Variants in CNTN1 observed in about 807,000 individuals in gnomAD.
The protein encoded by CNTN1 is contactin 1.
Under a neutral mutation model 126.4 loss-of-function variants are expected in CNTN1, and 38 were observed. That is an observed-to-expected ratio of 0.30 (90% CI 0.23 to 0.39). CNTN1 has a LOEUF of 0.39. Among genes scored for constraint, CNTN1 ranks in the 10% least tolerant of loss-of-function variants. The pLI is 1.00. For synonymous variants in CNTN1, 413 were observed against 422.6 expected (o/e 0.98, Z 0.28); for missense variants, 1,009 against 1,248.4 (o/e 0.81, Z 2.89).
At chr12:40,890,812 T>C (rs1467880596) in intron 1 of CNTN1, among the ~76,000 whole-genome samples, 1 of 152,202 alleles carries the variant, frequency 6.6e-6, no homozygotes, top group Non-Finnish European at 1.5e-5. Context: ...AACATCCTTG[T>C]GCCAGTTTTT....
chr12:40,710,898 ACT>A (rs1277059092), intron 1 of CNTN1, among the ~76,000 whole-genome samples: 1 of 152,174 alleles, frequency 6.6e-6, no homozygotes, highest in Non-Finnish European at 1.5e-5. Flanking sequence ...TCATAGTGTA[ACT>A]CACACATAAG....
intron 1 of CNTN1, among the ~76,000 whole-genome samples, chr12:40,856,645 A>G (rs1417205593): frequency 6.6e-6 from 1 of 152,140 alleles, no homozygotes; most frequent in East Asian, 1.9e-4. Context: ...ATAAATTTCA[A>G]TTTCTCTGGG....
chr12:40,724,656 C>T (rs775962853), intron 1 of CNTN1, among the ~76,000 whole-genome samples: 5 of 152,142 alleles, frequency 3.3e-5, no homozygotes, highest in Non-Finnish European at 7.4e-5. Context: ...AACAGAAGAA[C>T]ACTTACTTTG....
At chr12:41,021,535 A>G (rs187154187) in intron 20 of CNTN1, among the ~76,000 whole-genome samples, 1 of 152,316 alleles carries the variant, frequency 6.6e-6, no homozygotes, top group Admixed American at 6.5e-5. Flanking sequence ...GTATGATTAA[A>G]TAAAATGTTA....
rs748855906 is a variant in CNTN1 at position 41,070,259 on chromosome 12, G to C, written c.*224G>C. The C allele has an allele frequency of 8.7e-6, 5 of 573,058 alleles. No individual in the cohort carries two copies. The highest frequency in any genetic ancestry group is 1.6e-5 in the Non-Finnish European group (5 of 320,268). The allele number at this position is 573,058 out of a possible 1,614,324, so 35.5% of individuals were successfully genotyped here. ...AATGGATATAAATGATTTTTAACTCGTTCCAATATGCCTTATAAACCACTT... is the reference window on the plus strand; with the variant it reads ...AATGGATATAAATGATTTTTAACTCCTTCCAATATGCCTTATAAACCACTT... On this transcript the variant is annotated 3_prime_UTR_variant, in exon 24 of 24. Coordinates refer to ENST00000551295, the MANE Select transcript of CNTN1 (RefSeq NM_001843.4).
intron 14 of CNTN1, among the ~76,000 whole-genome samples, chr12:40,957,213 A>G (rs534712390): frequency 5.3e-5 from 8 of 152,028 alleles, no homozygotes; most frequent in South Asian, 2.1e-4. Context: ...CCAAGTAAAA[A>G]TCAAACAATC....
At chr12:40,719,321 G>A (rs1390749939) in intron 1 of CNTN1, among the ~76,000 whole-genome samples, 1 of 152,162 alleles carries the variant, frequency 6.6e-6, no homozygotes, top group African/African-American at 2.4e-5. Context: ...GAGGATAATT[G>A]TATTTTCGGA....
chr12:40,987,158 A>G (rs1394211301), intron 16 of CNTN1, among the ~76,000 whole-genome samples: 1 of 152,204 alleles, frequency 6.6e-6, no homozygotes, highest in Non-Finnish European at 1.5e-5. Flanking sequence ...ATACAGAAAT[A>G]AAAATCATAT....
intron 22 of CNTN1, 64 bp downstream of exon 22, chr12:41,028,033 G>T: frequency 8.3e-7 from 1 of 1,200,240 alleles, no homozygotes; most frequent in Non-Finnish European, 1.2e-6. Flanking sequence ...CCCAAGATGG[G>T]TTTCTTTTCT....
In CNTN1 at chr12:40,707,070, A is replaced by G. The variant is rs1260677267; in HGVS notation, c.-77+14478A>G. 3.7e-3 allele frequency among the ~76,000 whole-genome samples: 552 copies of G among 150,750 alleles called. 3 individuals are homozygous for G. The highest frequency in any genetic ancestry group is 8.8e-3 in the African/African-American group (355 of 40,418). ...CGCACACACACACACACACACACAC[A>G]CACACACACACACACACACCCCTGC... On this transcript the variant is annotated intron_variant, in intron 1 of 23. Coordinates refer to ENST00000551295, the MANE Select transcript of CNTN1 (RefSeq NM_001843.4).
At chr12:40,929,760 A>G in intron 6 of CNTN1, 36 bp from the exon 7 acceptor site, 3 of 1,497,312 alleles carry the variant, frequency 2.0e-6, no homozygotes, top group Non-Finnish European at 2.8e-6. Context: ...CTTTGGGAGA[A>G]GCACTTAATA....
At chr12:40,946,969 T>C (rs1020080942) in intron 14 of CNTN1, among the ~76,000 whole-genome samples, 1 of 152,034 alleles carries the variant, frequency 6.6e-6, no homozygotes, top group South Asian at 2.1e-4. Context: ...TTTTTTCTAA[T>C]TAAAGTTATG....
At chr12:41,007,632 G>A (rs111812844) in intron 17 of CNTN1, among the ~76,000 whole-genome samples, 23 of 152,186 alleles carry the variant, frequency 1.5e-4, no homozygotes, top group Non-Finnish European at 2.8e-4. Context: ...TTGAGGAGGC[G>A]GTGCCTGATT....
intron 1 of CNTN1, among the ~76,000 whole-genome samples, chr12:40,699,417 G>T (rs1941539677): frequency 6.6e-6 from 1 of 151,972 alleles, no homozygotes; most frequent in African/African-American, 2.4e-5. Flanking sequence ...GTAAATAAAA[G>T]AGAGTTTTTT....
intron 6 of CNTN1, among the ~76,000 whole-genome samples, chr12:40,927,987 G>C (rs1013137621): frequency 7.2e-5 from 11 of 151,944 alleles, no homozygotes; most frequent in Admixed American, 7.2e-4. Flanking sequence ...TAACTGGCCT[G>C]ATAAAAAAGT....
At chr12:41,054,447 A>C (rs1054967629) in intron 23 of CNTN1, among the ~76,000 whole-genome samples, 3 of 152,026 alleles carry the variant, frequency 2.0e-5, no homozygotes, top group Non-Finnish European at 4.4e-5. Context: ...ATGAAAAATC[A>C]TGGTGAAAAT....
chr12:40,991,804 G>T (rs1442767548), intron 16 of CNTN1, among the ~76,000 whole-genome samples: 1 of 152,136 alleles, frequency 6.6e-6, no homozygotes, highest in Non-Finnish European at 1.5e-5. Context: ...CTCCAGCCTG[G>T]GTGACAGAGT....
rs1419192480 is a variant in CNTN1 at position 40,925,628 on chromosome 12, T to C, written c.496+976T>C. 6.9e-5 allele frequency among the ~76,000 whole-genome samples: 10 copies of C among 145,046 alleles called. No homozygotes were observed. The East Asian group carries it at 1.0e-3, about 15-fold the overall frequency. On this transcript the variant is annotated intron_variant, in intron 6 of 23. Transcript: ENST00000551295. Reference sequence around the variant, plus strand: ...ATACGTGTATATATATATATACACATATATATATATAGAGAGAGAGAGTTG... The same window carrying C: ...ATACGTGTATATATATATATACACACATATATATATAGAGAGAGAGAGTTG...
intron 1 of CNTN1, among the ~76,000 whole-genome samples, chr12:40,844,068 G>GGTTTTTTTTTTTTTTTTTTTTTT (rs1424373022): frequency 7.5e-5 from 3 of 40,236 alleles, no homozygotes; most frequent in Non-Finnish European, 1.0e-4. Context: ...TTGGCACAAT[G>GGTTTTTTTTTTTTTTTTTTTTTT]ATTTTTTTTT....
Sources: allele counts gnomAD v4.1 joint callset (sites outside exome capture counted in the v4.1 genomes callset), GRCh38; gene constraint gnomAD v4.1.1; transcripts MANE v1.5; gene names NCBI Gene and HGNC (gene_info 2026-07-23, HGNC 2026-07-21).